Variants in CDH5 observed in about 807,000 individuals in gnomAD.
The protein encoded by CDH5 is cadherin 5, also known as cadherin-5.
In CDH5, 28 loss-of-function variants were observed where a neutral mutation model predicts 62.0. That is an observed-to-expected ratio of 0.45 (90% confidence interval 0.33 to 0.62). The LOEUF is 0.62. Ranked by LOEUF, CDH5 falls within the 20% of genes least tolerant of loss-of-function variation. The pLI is 0.02. For synonymous variants in CDH5, 464 were observed against 445.8 expected, an observed-to-expected ratio of 1.04 and a Z score of -0.52; for missense variants, 940 against 1,065.1, an observed-to-expected ratio of 0.88 and a Z score of 1.63.
Position 66,381,738 on chromosome 16 carries a change from G to C in CDH5, c.210+2191G>C, listed in dbSNP as rs565715499. 1.1e-3 allele frequency among the ~76,000 whole-genome samples: 162 copies of C among 152,248 alleles called. 1 individual carries two copies. Among genetic ancestry groups the C allele is most frequent in the Non-Finnish European group, 2.0e-3 (133 of 68,010 alleles). ...AGCAAGGATCAGCAAACTACCCCCTGCGGGCCCAATCCAGCCCACTGCCTG... is the reference window on the plus strand; with the variant it reads ...AGCAAGGATCAGCAAACTACCCCCTCCGGGCCCAATCCAGCCCACTGCCTG... On this transcript the variant is annotated intron_variant, in intron 2 of 11. Transcript: ENST00000341529.
chr16:66,375,658 G>A (rs927559812), intron 1 of CDH5, among the ~76,000 whole-genome samples: 4 of 152,188 alleles, frequency 2.6e-5, no homozygotes, highest in African/African-American at 9.6e-5. Context: ...AGTGAGTGGT[G>A]AGTGGCCTAG....
chr16:66,388,609 G>C (rs1961027773), intron 4 of CDH5, among the ~76,000 whole-genome samples, 169 bp downstream of exon 4: 1 of 152,324 alleles, frequency 6.6e-6, no homozygotes, highest in South Asian at 2.1e-4. Flanking sequence ...AAGGCGGCTG[G>C]TCAAGGGAGA....
intron 7 of CDH5, among the ~76,000 whole-genome samples, chr16:66,395,004 C>A (rs1017190724): frequency 1.5e-5 from 2 of 130,396 alleles, no homozygotes; most frequent in Admixed American, 1.7e-4. Flanking sequence ...CACACACCAC[C>A]ACACCAGGCT....
At chr16:66,371,441 C>T (rs991448959) in intron 1 of CDH5, among the ~76,000 whole-genome samples, 8 of 152,122 alleles carry the variant, frequency 5.3e-5, no homozygotes, top group Non-Finnish European at 2.9e-5. Flanking sequence ...CTGCAGGAGG[C>T]TGGGCTGGGA....
At chr16:66,378,639 T>G (rs772391329) in intron 1 of CDH5, among the ~76,000 whole-genome samples, 1 of 152,204 alleles carries the variant, frequency 6.6e-6, no homozygotes, top group African/African-American at 2.4e-5. Flanking sequence ...CCTGGGGACT[T>G]AGGAGCTGCC....
rs74618100 is a variant in CDH5 at position 66,399,345 on chromosome 16, T to G, written c.1591+784T>G. Among the ~76,000 whole-genome samples, 322 of 152,256 alleles carry G rather than the reference T, an allele frequency of 2.1e-3. 2 individuals are homozygous for G. The highest frequency in any genetic ancestry group is 6.0e-3 in the African/African-American group (248 of 41,552). ...AATTTCCTCAAAAAAATAGAGAAAA[T>G]TCCCCTTGGGTTTAAATAGAGTGAT... On this transcript the variant is annotated intron_variant, in intron 10 of 11. Transcript: ENST00000341529.
Position 66,379,374 on chromosome 16 carries a change from G to T in CDH5, c.37G>T (p.Ala13Ser), listed in dbSNP as rs571147218. The T allele has an allele frequency of 6.2e-6, 10 of 1,613,314 alleles. No homozygotes were observed. The highest frequency in any genetic ancestry group is 1.7e-4 in the Middle Eastern group (1 of 5,844). The change falls in exon 2 of 12, where the codon GCC becomes TCC. Residue 13 changes from alanine (A) to serine (S), a missense_variant. Transcript: ENST00000341529. Reference sequence around the variant, plus strand: ...CATGATGCTCCTCGCCACATCGGGCGCCTGCCTGGGCCTGCTGGCAGTGGC... The same window carrying T: ...CATGATGCTCCTCGCCACATCGGGCTCCTGCCTGGGCCTGCTGGCAGTGGC... ...RLMMLLATSG[A>S]CLGLLAVAAV...
chr16:66,397,304 C>T (rs1223359778), intron 8 of CDH5, among the ~76,000 whole-genome samples: 1 of 152,188 alleles, frequency 6.6e-6, no homozygotes, highest in Non-Finnish European at 1.5e-5. Flanking sequence ...ACTGCAGCCT[C>T]TAATTCCTGA....
chr16:66,390,674 G>T, intron 6 of CDH5, 84 bp downstream of exon 6: 1 of 1,284,936 alleles, frequency 7.8e-7, no homozygotes, highest in South Asian at 1.3e-5. Flanking sequence ...TTGCTCCTGG[G>T]CCAGAGACCA....
At chr16:66,370,424 G>A (rs1276836023) in intron 1 of CDH5, among the ~76,000 whole-genome samples, 2 of 152,190 alleles carry the variant, frequency 1.3e-5, no homozygotes, top group East Asian at 1.9e-4. Flanking sequence ...GGAACAAGGA[G>A]GAGCTTCTTT....
chr16:66,390,591 G>T lies in CDH5; in HGVS notation c.969+1G>T. 1 of 1,613,758 alleles carries T rather than the reference G, an allele frequency of 6.2e-7. No individual in the cohort carries two copies. The highest frequency in any genetic ancestry group is 1.1e-5 in the South Asian group (1 of 91,040). Reference sequence around the variant, plus strand: ...CGAGGGCATCATCAAGCCCATGAAGGTTTGTAGGCCAATGGCAACAATGTC... The same window carrying T: ...CGAGGGCATCATCAAGCCCATGAAGTTTTGTAGGCCAATGGCAACAATGTC... On this transcript the variant is annotated splice_donor_variant, in intron 6 of 11. Coordinates refer to ENST00000341529, the MANE Select transcript of CDH5 (RefSeq NM_001795.5). LOFTEE classifies it high-confidence loss of function.
chr16:66,372,939 G>A (rs942149237), intron 1 of CDH5, among the ~76,000 whole-genome samples: 1 of 152,176 alleles, frequency 6.6e-6, no homozygotes, highest in African/African-American at 2.4e-5. Flanking sequence ...CATGGCTCTG[G>A]GGACAGCAGC....
At chr16:66,371,917 C>A (rs1263099548) in intron 1 of CDH5, among the ~76,000 whole-genome samples, 1 of 152,182 alleles carries the variant, frequency 6.6e-6, no homozygotes, top group African/African-American at 2.4e-5. Context: ...AGCCCTTCCC[C>A]TCCCCGCCCT....
intron 1 of CDH5, among the ~76,000 whole-genome samples, chr16:66,367,903 G>A (rs962700833): frequency 2.0e-5 from 3 of 152,148 alleles, no homozygotes; most frequent in East Asian, 1.9e-4. Context: ...AGATCTTTAA[G>A]GAATAGTGGC....
Position 66,404,535 on chromosome 16 carries a change from A to G in CDH5, c.*1366A>G, listed in dbSNP as rs1385140753. The G allele has an allele frequency of 6.6e-6, 1 of 152,254 alleles. No homozygotes were observed. The highest frequency in any genetic ancestry group is 1.5e-5 in the Non-Finnish European group (1 of 68,046). The allele number at this position is 152,254 out of a possible 1,614,324, so 9.4% of individuals were successfully genotyped here. On this transcript the variant is annotated 3_prime_UTR_variant, in exon 12 of 12. Transcript: ENST00000341529. ...AGCTTCTTATAATGATTTTTTTACT[A>G]ATGATACTTACAAGTTTCTAGCTCT...
intron 11 of CDH5, among the ~76,000 whole-genome samples, 168 bp downstream of exon 11, chr16:66,401,184 T>C (rs1358213379): frequency 6.6e-6 from 1 of 152,096 alleles, no homozygotes; most frequent in Non-Finnish European, 1.5e-5. Flanking sequence ...ATGCAGGATG[T>C]GAGCTCCAAC....
chr16:66,391,821 T>TGTG (rs1473969059), intron 6 of CDH5, among the ~76,000 whole-genome samples: 5 of 152,158 alleles, frequency 3.3e-5, no homozygotes, highest in Admixed American at 6.5e-5. Flanking sequence ...GTAGAACCAC[T>TGTG]AGTGACGCTC....
At chr16:66,384,078 CTTTTTTT>C (rs35435487) in intron 2 of CDH5, among the ~76,000 whole-genome samples, 3 of 71,364 alleles carry the variant, frequency 4.2e-5, no homozygotes, top group African/African-American at 1.8e-4. Context: ...GGAGTCCAGC[CTTTTTTT>C]TTTTTTTTTT....
At chr16:66,380,346 T>G (rs1244998218) in intron 2 of CDH5, among the ~76,000 whole-genome samples, 3 of 140,364 alleles carry the variant, frequency 2.1e-5, no homozygotes, top group Admixed American at 2.1e-4. Context: ...ATTGTGATGG[T>G]GGGTGATGGT....
Sources: gnomAD v4.1 joint callset for allele counts (sites outside exome capture counted in the v4.1 genomes callset) on GRCh38, gnomAD v4.1.1 for gene constraint, MANE v1.5 for transcripts, NCBI Gene and HGNC (gene_info 2026-07-23, HGNC 2026-07-21) for gene names.